The following EFR3B variants were observed in gnomAD, a reference collection of about 807,000 sequenced individuals.
EFR3B encodes the protein protein EFR3 homolog B.
A neutral mutation model predicts 104.7 loss-of-function variants in EFR3B; 64 were observed. That is an observed-to-expected ratio of 0.61 (90% CI 0.50 to 0.75). The LOEUF (loss-of-function observed/expected upper bound fraction) is 0.75. EFR3B is among the 30% of genes least tolerant of loss of function. The probability of loss-of-function intolerance (pLI) is 0.00; values close to 1 mark genes in which losing one functional copy is unlikely to be tolerated. For synonymous variants in EFR3B, 385 were observed against 417.9 expected, an observed-to-expected ratio of 0.92 and a Z score of 0.96; for missense variants, 750 against 1,078.5, an observed-to-expected ratio of 0.70 and a Z score of 4.27.
chr2:25,042,564 G>C lies in EFR3B; in HGVS notation c.7+245G>C, dbSNP rs1001497154. ...TGCCGGTGCTGGGCGGTGGTCCTTC[G>C]GGGGGCGGAGGCTCAGGGGAAAGCG... is the stretch of plus-strand genomic sequence containing the variant. On this transcript the variant is annotated intron_variant, in intron 1 of 22. Coordinates refer to ENST00000403714, the MANE Select transcript of EFR3B (RefSeq NM_014971.2). This position sits in a 1 kb window ranked among gnomAD's most constrained non-coding sequence, Gnocchi z 5.4. 2 of 1,201,132 alleles carry C rather than the reference G, an allele frequency of 1.7e-6. No homozygotes were observed. Among genetic ancestry groups the C allele is most frequent in the Non-Finnish European group, 2.1e-6 (2 of 968,562 alleles). 74.4% of individuals were successfully genotyped at this position (1,201,132 alleles called of 1,614,324 possible). A position where few individuals can be genotyped will look rare whatever the true frequency, so the allele number is the denominator to read the frequency against.
chr2:25,092,092 C>T (rs184664096), intron 2 of EFR3B, among the ~76,000 whole-genome samples: 1,698 of 151,040 alleles, frequency 0.011, 38 homozygotes, highest in African/African-American at 0.035. Flanking sequence ...TTTTTTGAGA[C>T]GGAGTTTCGC....
At chr2:25,067,494 G>T (rs1668371808) in intron 1 of EFR3B, among the ~76,000 whole-genome samples, 1 of 151,464 alleles carries the variant, frequency 6.6e-6, no homozygotes, top group African/African-American at 2.4e-5. Flanking sequence ...GAGTGCAGTG[G>T]CATGATCTCG....
chr2:25,051,722 G>A (rs1667876281), intron 1 of EFR3B, among the ~76,000 whole-genome samples: 1 of 143,862 alleles, frequency 7.0e-6, no homozygotes, highest in South Asian at 2.3e-4. Flanking sequence ...TGCAACCTCC[G>A]CTTCCCGGGT....
Position 25,139,202 on chromosome 2 carries a change from C to CA in EFR3B, c.1854+13dup. ...AGCACATCCATGAGGTTGGTGTTCT[C>CA]ACGACCAAGAGCTCAGGGGGCCCTC... On this transcript the variant is annotated intron_variant, in intron 16 of 22. Transcript: ENST00000403714. The CA allele has an allele frequency of 6.5e-7, 1 of 1,548,418 alleles. No individual in the cohort carries two copies. Among genetic ancestry groups the CA allele is most frequent in the Non-Finnish European group, 8.7e-7 (1 of 1,146,002 alleles).
chr2:25,103,865 C>T (rs922343930), intron 4 of EFR3B, 78 bp downstream of exon 4: 33 of 1,517,736 alleles, frequency 2.2e-5, no homozygotes, highest in Middle Eastern at 1.8e-4. Context: ...ACCTCGGGGT[C>T]GGCACTGTCA....
chr2:25,126,322 G>A (rs1179129587), intron 5 of EFR3B, among the ~76,000 whole-genome samples: 2 of 151,696 alleles, frequency 1.3e-5, no homozygotes, highest in African/African-American at 4.8e-5. Context: ...CTGAGTATCT[G>A]TGACTACAGG....
At chr2:25,050,330 G>A (rs1175998850) in intron 1 of EFR3B, among the ~76,000 whole-genome samples, 1 of 152,128 alleles carries the variant, frequency 6.6e-6, no homozygotes, top group African/African-American at 2.4e-5. Context: ...GGAGGAGACA[G>A]TTGTTGCAGC....
intron 5 of EFR3B, among the ~76,000 whole-genome samples, chr2:25,122,735 C>T (rs1264264527): frequency 6.6e-6 from 1 of 152,096 alleles, no homozygotes; most frequent in African/African-American, 2.4e-5. Flanking sequence ...CCACTCCTCC[C>T]TCACTCTGCC....
At chr2:25,148,378 C>T (rs545279898) in intron 19 of EFR3B, among the ~76,000 whole-genome samples, 137 of 151,928 alleles carry the variant, frequency 9.0e-4, no homozygotes, top group Middle Eastern at 3.4e-3. Flanking sequence ...CTCAGACTCC[C>T]CAAGTAGCTG....
At chr2:25,110,575 A>C (rs1203389928) in intron 4 of EFR3B, among the ~76,000 whole-genome samples, 3 of 151,990 alleles carry the variant, frequency 2.0e-5, no homozygotes, top group African/African-American at 4.8e-5. Context: ...CCCTGCATCC[A>C]TTCTTTCTGC....
rs191371825 is a variant in EFR3B at position 25,080,482 on chromosome 2, A to G, written c.8-10843A>G. On this transcript the variant is annotated intron_variant, in intron 1 of 22. Transcript: ENST00000403714. ...GCTAATTTTTGTATTTTTATTAGAG[A>G]CGGGGTTTCACCGTGTTGGCCAGAC... 3.0e-5 allele frequency: 14 copies of G among 471,440 alleles called. No individual in the cohort carries two copies. The East Asian group carries it at 5.1e-4, about 17-fold the overall frequency. 29.2% of individuals were successfully genotyped at this position (471,440 alleles called of 1,614,324 possible). A position where few individuals can be genotyped will look rare whatever the true frequency, so the allele number is the denominator to read the frequency against.
At chr2:25,060,067 C>CA in intron 1 of EFR3B, among the ~76,000 whole-genome samples, 1 of 150,226 alleles carries the variant, frequency 6.7e-6, no homozygotes, top group African/African-American at 2.5e-5. Flanking sequence ...TGTGGTGGCG[C>CA]GGCCTGTAGT....
Position 25,129,562 on chromosome 2 carries a change from T to C in EFR3B, c.636-413T>C, listed in dbSNP as rs191961680. 2.8e-3 allele frequency among the ~76,000 whole-genome samples: 426 copies of C among 152,140 alleles called. 7 individuals carry two copies. Among genetic ancestry groups the C allele is most frequent in the Non-Finnish European group, 8.7e-4 (59 of 68,004 alleles). On this transcript the variant is annotated intron_variant, in intron 6 of 22. Coordinates refer to ENST00000403714, the MANE Select transcript of EFR3B (RefSeq NM_014971.2). ...GTGCCTTTCCTTTTCCCTCCCTCTCTTTCCTCTCCTTTCTTCCACTTCTGT... is the reference window on the plus strand; with the variant it reads ...GTGCCTTTCCTTTTCCCTCCCTCTCCTTCCTCTCCTTTCTTCCACTTCTGT...
intron 19 of EFR3B, 28 bp downstream of exon 19, chr2:25,145,079 C>T: frequency 6.5e-7 from 1 of 1,546,420 alleles, no homozygotes; most frequent in Non-Finnish European, 8.8e-7. Flanking sequence ...CGTCCTGGGG[C>T]AGCCCCACCT....
intron 1 of EFR3B, among the ~76,000 whole-genome samples, chr2:25,073,254 T>C (rs2149175591): frequency 6.6e-6 from 1 of 152,276 alleles, no homozygotes; most frequent in East Asian, 1.9e-4. Flanking sequence ...GTGGCACACC[T>C]GCCTGAGGTC....
In EFR3B at chr2:25,042,665, C is replaced by T; in HGVS notation, c.7+346C>T. The stretch of plus-strand genomic sequence containing the variant: ...GCAGCATTTGCGGAATTAACAAAAG[C>T]GGTTTGTGCCTGGGAGTTTTCTGTG... On this transcript the variant is annotated intron_variant, in intron 1 of 22. Coordinates refer to ENST00000403714, the MANE Select transcript of EFR3B (RefSeq NM_014971.2). This position sits in a 1 kb window ranked among gnomAD's most constrained non-coding sequence, Gnocchi z 5.4. The T allele has an allele frequency of 9.5e-7, 1 of 1,056,924 alleles. No homozygotes were observed. The highest frequency in any genetic ancestry group is 6.4e-5 in the East Asian group (1 of 15,512). 65.5% of individuals were successfully genotyped at this position (1,056,924 alleles called of 1,614,324 possible).
At chr2:25,062,199 CT>C (rs1289065714) in intron 1 of EFR3B, among the ~76,000 whole-genome samples, 1 of 152,154 alleles carries the variant, frequency 6.6e-6, no homozygotes, top group Non-Finnish European at 1.5e-5. Flanking sequence ...TTGTGGATAA[CT>C]GTCTAGACTC....
intron 17 of EFR3B, 46 bp downstream of exon 17, chr2:25,141,479 G>A (rs1670664632): frequency 2.6e-6 from 4 of 1,546,020 alleles, no homozygotes; most frequent in Non-Finnish European, 3.5e-6. Context: ...CAGGGCAGCT[G>A]AGTAAGCAGG....
chr2:25,133,110 C>A, intron 11 of EFR3B, 96 bp downstream of exon 11: 1 of 1,176,896 alleles, frequency 8.5e-7, no homozygotes, highest in Non-Finnish European at 1.2e-6. Context: ...TTGGCTCTGC[C>A]CTCTGCTCTC....
Sources: allele counts gnomAD v4.1 joint callset (sites outside exome capture counted in the v4.1 genomes callset), GRCh38; gene constraint gnomAD v4.1.1; non-coding constraint Gnocchi (gnomAD v3.1); transcripts MANE v1.5; gene names NCBI Gene and HGNC (gene_info 2026-07-23, HGNC 2026-07-21).